Variants in RGS8 observed in about 807,000 individuals in gnomAD.
RGS8 encodes the protein regulator of G protein signaling 8.
In RGS8, 8 loss-of-function variants were observed where a neutral mutation model predicts 21.7. The observed-to-expected ratio is 0.37, with a 90% confidence interval of 0.22 to 0.66. The LOEUF (loss-of-function observed/expected upper bound fraction) is 0.66, where lower values mean the gene tolerates loss of function less well. RGS8 is among the 30% of genes least tolerant of loss of function. The pLI, the probability that RGS8 is intolerant of heterozygous loss-of-function variation, is 0.59. For missense variants in RGS8, 157 were observed against 217.9 expected (o/e 0.72, Z 1.76); for synonymous variants, 80 against 83.6 (o/e 0.96, Z 0.24).
intron 1 of RGS8, among the ~76,000 whole-genome samples, chr1:182,678,059 A>G (rs1294717673): frequency 6.6e-6 from 1 of 152,256 alleles, no homozygotes; most frequent in Non-Finnish European, 1.5e-5. Context: ...AACACTGATT[A>G]GATATTTAAT....
At chr1:182,749,518 G>T in the RGS8 span, among the ~76,000 whole-genome samples, 4 of 152,134 alleles carry the variant, frequency 2.6e-5, no homozygotes, top group Admixed American at 6.5e-5. Flanking sequence ...TTTGAAATCA[G>T]GTAGTGTGAC....
chr1:182,745,791 C>A, the RGS8 span, among the ~76,000 whole-genome samples: 1 of 152,198 alleles, frequency 6.6e-6, no homozygotes, highest in Non-Finnish European at 1.5e-5. Flanking sequence ...GAAATCCCTG[C>A]CATAGCTTCC....
chr1:182,655,636 G>A (rs1350812912), intron 5 of RGS8, among the ~76,000 whole-genome samples: 1 of 152,144 alleles, frequency 6.6e-6, no homozygotes, highest in Non-Finnish European at 1.5e-5. Context: ...TGTGACTTTG[G>A]ACAACACACT....
chr1:182,675,527 G>A (rs1227412058), upstream of RGS8, among the ~76,000 whole-genome samples: 4 of 152,198 alleles, frequency 2.6e-5, no homozygotes, highest in South Asian at 2.1e-4. Context: ...TCTTTGATGG[G>A]CTCCATTGCA....
chr1:182,673,501 C>A (rs1171445117), upstream of RGS8, among the ~76,000 whole-genome samples: 1 of 151,990 alleles, frequency 6.6e-6, no homozygotes, highest in Non-Finnish European at 1.5e-5. Flanking sequence ...TGGTGCATAA[C>A]CTGAATTCTC....
At chr1:182,645,249 C>A (rs1662652255), downstream of RGS8, 1 of 152,194 alleles carries the variant, frequency 6.6e-6, no homozygotes, top group Admixed American at 6.5e-5. Context: ...TCAAGCTGAA[C>A]GTTTTGTAGA....
the RGS8 span, among the ~76,000 whole-genome samples, chr1:182,708,597 C>T: frequency 6.6e-6 from 1 of 152,256 alleles, no homozygotes; most frequent in South Asian, 2.1e-4. Context: ...AATTTTAGCT[C>T]TGTGTGCCTT....
At chr1:182,719,673 C>G in the RGS8 span, among the ~76,000 whole-genome samples, 1 of 151,656 alleles carries the variant, frequency 6.6e-6, no homozygotes, top group African/African-American at 2.4e-5. Context: ...CAATGATCCT[C>G]CTGCCTTGGC....
chr1:182,662,059 G>A (rs1021165260), intron 5 of RGS8, among the ~76,000 whole-genome samples: 2 of 152,166 alleles, frequency 1.3e-5, no homozygotes, highest in African/African-American at 4.8e-5. Context: ...CTCCATGGGT[G>A]CTTCTTCCAC....
intron 5 of RGS8, among the ~76,000 whole-genome samples, chr1:182,655,623 CT>C (rs931070356): frequency 1.2e-4 from 18 of 152,316 alleles, no homozygotes; most frequent in Admixed American, 9.2e-4. Context: ...CTATCATTAA[CT>C]GTGTGACTTT....
the RGS8 span, among the ~76,000 whole-genome samples, chr1:182,720,622 A>G: frequency 6.6e-6 from 1 of 151,730 alleles, no homozygotes. Flanking sequence ...ATGCACTACC[A>G]CTGTTCACTG....
chr1:182,716,687 G>A, the RGS8 span, among the ~76,000 whole-genome samples: 1 of 152,054 alleles, frequency 6.6e-6, no homozygotes, highest in African/African-American at 2.4e-5. Flanking sequence ...TCTGTAGCCT[G>A]AGTTTAAACC....
chr1:182,747,853 A>AAG, the RGS8 span, among the ~76,000 whole-genome samples: 1 of 151,840 alleles, frequency 6.6e-6, no homozygotes, highest in African/African-American at 2.4e-5. Flanking sequence ...AATACGAAAA[A>AAG]AAAAAAAAAG....
chr1:182,710,610 C>T, the RGS8 span, among the ~76,000 whole-genome samples: 3 of 152,120 alleles, frequency 2.0e-5, no homozygotes, highest in Non-Finnish European at 4.4e-5. Flanking sequence ...ACAAAAGGCC[C>T]CCAAAGATTG....
At chr1:182,683,627 C>CAAAAAAAA (rs397863359) in intron 1 of RGS8, among the ~76,000 whole-genome samples, 2 of 60,664 alleles carry the variant, frequency 3.3e-5, no homozygotes, top group East Asian at 3.9e-4. Flanking sequence ...TCCCAGTGCT[C>CAAAAAAAA]AAAAAAAAAA....
At chr1:182,661,808 TCACACACACACACACACACACA>T (rs71127312) in intron 5 of RGS8, among the ~76,000 whole-genome samples, 3 of 132,358 alleles carry the variant, frequency 2.3e-5, no homozygotes, top group Non-Finnish European at 5.1e-5. Flanking sequence ...GTACACACAT[TCACACACACACACACACACACA>T]CACACACACA....
chr1:182,691,678 A>T, the RGS8 span, among the ~76,000 whole-genome samples: 2 of 151,542 alleles, frequency 1.3e-5, no homozygotes, highest in African/African-American at 4.8e-5. Context: ...TCAAAATAAT[A>T]AGAGCTATCT....
chr1:182,666,841 C>A, intron 4 of RGS8, 31 bp downstream of exon 5: 1 of 1,529,290 alleles, frequency 6.5e-7, no homozygotes, highest in Non-Finnish European at 9.1e-7. Context: ...GCTGTATTAC[C>A]CAGGGAATGG....
chr1:182,675,061 C>T (rs1488560672), upstream of RGS8, among the ~76,000 whole-genome samples: 1 of 152,178 alleles, frequency 6.6e-6, no homozygotes, highest in African/African-American at 2.4e-5. Context: ...TTCCTCACAT[C>T]TCAGACCCTG....
Sources: allele counts gnomAD v4.1 joint callset (sites outside exome capture counted in the v4.1 genomes callset), GRCh38; gene constraint gnomAD v4.1.1; transcripts MANE v1.5; gene names NCBI Gene and HGNC (gene_info 2026-07-23, HGNC 2026-07-21).